The following NRG3 variants were observed in gnomAD, a reference collection of about 807,000 sequenced individuals.
NRG3 encodes pro-neuregulin-3, membrane-bound isoform.
A neutral mutation model predicts 66.9 loss-of-function variants in NRG3; 31 were observed. That is an observed-to-expected ratio of 0.46 (90% confidence interval 0.35 to 0.63). NRG3 has a LOEUF of 0.63. Ranked by LOEUF, NRG3 falls within the 20% of genes least tolerant of loss-of-function variation. The pLI is 0.00. For synonymous variants in NRG3, 393 were observed against 359.4 expected, an observed-to-expected ratio of 1.09 and a Z score of -1.06; for missense variants, 910 against 878.9, an observed-to-expected ratio of 1.04 and a Z score of -0.45.
In NRG3 at chr10:82,709,356, GT is replaced by G. The variant is rs577643407; in HGVS notation, c.954-29212del. Among the ~76,000 whole-genome samples the G allele has an allele frequency of 4.4e-3, 645 of 147,996 alleles. 5 individuals are homozygous for G. Among genetic ancestry groups the G allele is most frequent in the Non-Finnish European group, 6.2e-3 (414 of 66,662 alleles). ...TGTTTTTTGTTTGTTCCAGCAGCTG[GT>G]TTTTTTTTGTTTTTGTTTTTTGTTT... is the stretch of plus-strand genomic sequence containing the variant. On this transcript the variant is annotated intron_variant, in intron 2 of 8. Transcript: ENST00000372141.
At chr10:82,900,410 C>G (rs1844104125) in intron 4 of NRG3, among the ~76,000 whole-genome samples, 1 of 151,946 alleles carries the variant, frequency 6.6e-6, no homozygotes, top group Non-Finnish European at 1.5e-5. Flanking sequence ...CAGCATAATA[C>G]TGTTTAGTAT....
At chr10:82,519,744 T>C (rs1171450940) in intron 2 of NRG3, among the ~76,000 whole-genome samples, 2 of 152,190 alleles carry the variant, frequency 1.3e-5, no homozygotes, top group African/African-American at 4.8e-5. Flanking sequence ...GCAAAAATTC[T>C]TGGGCATGCT....
intron 2 of NRG3, among the ~76,000 whole-genome samples, chr10:82,658,742 T>A (rs2052076095): frequency 1.3e-5 from 2 of 152,278 alleles, no homozygotes; most frequent in South Asian, 4.2e-4. Flanking sequence ...TTCATTATTG[T>A]GATTGAGGTT....
At chr10:82,523,428 T>C (rs996423168) in intron 2 of NRG3, among the ~76,000 whole-genome samples, 1 of 152,152 alleles carries the variant, frequency 6.6e-6, no homozygotes, top group Non-Finnish European at 1.5e-5. Flanking sequence ...ATTGTCATTG[T>C]TTCTTTTTTG....
intron 1 of NRG3, among the ~76,000 whole-genome samples, chr10:82,173,564 C>T (rs539996410): frequency 6.6e-6 from 1 of 151,964 alleles, no homozygotes; most frequent in Non-Finnish European, 1.5e-5. Context: ...CACAATGACA[C>T]AGCTGGGATT....
chr10:82,721,787 C>A (rs139560245), intron 2 of NRG3, among the ~76,000 whole-genome samples: 1 of 152,134 alleles, frequency 6.6e-6, no homozygotes, highest in Non-Finnish European at 1.5e-5. Flanking sequence ...ATATCCCCTA[C>A]GTTGCCTTCT....
intron 1 of NRG3, among the ~76,000 whole-genome samples, chr10:82,213,568 A>G (rs1032225748): frequency 1.3e-5 from 2 of 152,166 alleles, no homozygotes; most frequent in Admixed American, 1.3e-4. Flanking sequence ...GAAGCATGTT[A>G]GATAAATGAT....
chr10:82,173,546 C>A (rs1158697991), intron 1 of NRG3, among the ~76,000 whole-genome samples: 1 of 151,914 alleles, frequency 6.6e-6, no homozygotes, highest in African/African-American at 2.4e-5. Context: ...AGGACATTGA[C>A]CAGATGACAC....
At chr10:82,568,307 A>G (rs905807475) in intron 2 of NRG3, among the ~76,000 whole-genome samples, 6 of 151,932 alleles carry the variant, frequency 3.9e-5, no homozygotes, top group Non-Finnish European at 8.8e-5. Flanking sequence ...AGTGTGAGCT[A>G]CCTATCAGCT....
At chr10:82,306,318 C>T (rs1279004705) in intron 1 of NRG3, among the ~76,000 whole-genome samples, 3 of 151,992 alleles carry the variant, frequency 2.0e-5, no homozygotes, top group South Asian at 2.1e-4. Flanking sequence ...GGTACTGGAA[C>T]GACTATTAAT....
intron 2 of NRG3, among the ~76,000 whole-genome samples, chr10:82,438,745 C>T (rs762148630): frequency 5.9e-5 from 9 of 152,128 alleles, no homozygotes; most frequent in Non-Finnish European, 1.0e-4. Context: ...GTAGCACGCT[C>T]ACTCACCACC....
At chr10:82,052,770 TA>T (rs1357457484) in intron 1 of NRG3, among the ~76,000 whole-genome samples, 1 of 152,150 alleles carries the variant, frequency 6.6e-6, no homozygotes, top group Non-Finnish European at 1.5e-5. Context: ...CAACATTGTT[TA>T]GTATTATTCA....
chr10:82,887,302 A>G (rs1022576871), intron 4 of NRG3, among the ~76,000 whole-genome samples: 4 of 152,226 alleles, frequency 2.6e-5, no homozygotes, highest in Non-Finnish European at 4.4e-5. Flanking sequence ...GATTACGCTG[A>G]AAGTGTGATG....
At chr10:82,726,059 A>G (rs1346985815) in intron 2 of NRG3, among the ~76,000 whole-genome samples, 1 of 152,104 alleles carries the variant, frequency 6.6e-6, no homozygotes, top group Non-Finnish European at 1.5e-5. Context: ...TTAGGTGAGG[A>G]CTCAGCAAGA....
intron 1 of NRG3, among the ~76,000 whole-genome samples, chr10:82,165,109 G>A (rs550880254): frequency 6.6e-6 from 1 of 152,060 alleles, no homozygotes; most frequent in African/African-American, 2.4e-5. Flanking sequence ...CCATTGTATG[G>A]ATGCTACCAT....
chr10:82,517,940 A>T (rs1238989458), intron 2 of NRG3, among the ~76,000 whole-genome samples: 1 of 152,180 alleles, frequency 6.6e-6, no homozygotes, highest in Non-Finnish European at 1.5e-5. Context: ...TTACATCCTG[A>T]CAACTTTTGT....
chr10:82,919,027 G>T (rs1446266376), intron 4 of NRG3, among the ~76,000 whole-genome samples: 1 of 151,650 alleles, frequency 6.6e-6, no homozygotes, highest in African/African-American at 2.4e-5. Flanking sequence ...GCCCCAGTAA[G>T]CCTTTTATCT....
chr10:81,928,630 A>G (rs1252123732), intron 1 of NRG3, among the ~76,000 whole-genome samples: 1 of 152,242 alleles, frequency 6.6e-6, no homozygotes, highest in African/African-American at 2.4e-5. Context: ...CCTTATGGGT[A>G]CATGGGTACA....
At chr10:82,931,479 A>G (rs917838603) in intron 4 of NRG3, among the ~76,000 whole-genome samples, 2 of 152,232 alleles carry the variant, frequency 1.3e-5, no homozygotes, top group Admixed American at 6.5e-5. Flanking sequence ...AAAGAGCACA[A>G]AGAAGTTAAT....
Sources: gnomAD v4.1 joint callset for allele counts (sites outside exome capture counted in the v4.1 genomes callset) on GRCh38, gnomAD v4.1.1 for gene constraint, MANE v1.5 for transcripts, NCBI Gene and HGNC (gene_info 2026-07-23, HGNC 2026-07-21) for gene names.